The following PTPRO variants were observed in gnomAD, a reference collection of about 807,000 sequenced individuals.
The protein encoded by PTPRO is protein tyrosine phosphatase receptor type O.
Under a neutral mutation model 145.2 loss-of-function variants are expected in PTPRO, and 62 were observed. The ratio of observed to expected loss-of-function variants is 0.43; its 90% CI spans 0.35 to 0.53. The LOEUF is 0.53. Among genes scored for constraint, PTPRO ranks in the 20% least tolerant of loss-of-function variants. The pLI is 0.01. For synonymous variants in PTPRO, 565 were observed against 514.7 expected (o/e 1.10, Z -1.32); for missense variants, 1,345 against 1,482.7 (o/e 0.91, Z 1.53).
chr12:15,557,889 C>T (rs759091108), intron 16 of PTPRO, among the ~76,000 whole-genome samples: 1 of 152,014 alleles, frequency 6.6e-6, no homozygotes, highest in Non-Finnish European at 1.5e-5. Flanking sequence ...TGCGACAGAT[C>T]GGCTTCTCCA....
At chr12:15,342,389 T>C (rs1163578931) in intron 1 of PTPRO, among the ~76,000 whole-genome samples, 2 of 150,450 alleles carry the variant, frequency 1.3e-5, no homozygotes, top group Non-Finnish European at 3.0e-5. Context: ...TCACCAATCA[T>C]CTTTCATATG....
chr12:15,390,823 A>G (rs1763994603), intron 1 of PTPRO, among the ~76,000 whole-genome samples: 1 of 152,196 alleles, frequency 6.6e-6, no homozygotes, highest in African/African-American at 2.4e-5. Context: ...TCAGGCTACT[A>G]TAACAAAATG....
chr12:15,459,509 T>A (rs541870111), intron 1 of PTPRO, among the ~76,000 whole-genome samples: 3 of 152,270 alleles, frequency 2.0e-5, no homozygotes, highest in Non-Finnish European at 4.4e-5. Flanking sequence ...GGGATTATGG[T>A]TAGAGGATGT....
At chr12:15,430,520 A>G (rs757420185) in intron 1 of PTPRO, among the ~76,000 whole-genome samples, 9 of 152,120 alleles carry the variant, frequency 5.9e-5, no homozygotes, top group Admixed American at 1.3e-4. Flanking sequence ...TCTCTTAAAG[A>G]TGGTGGTAGT....
chr12:15,557,469 G>C lies in PTPRO; in HGVS notation c.2573G>C (p.Gly858Ala). ...CTTTAAAACAGGGAGTGTGGAGCTG[G>C]TACATTTGTCAATTTTGCATCCTTA... ...HLQMARECGA[G>A]TFVNFASLER... Residue 858 changes from glycine to alanine, a missense_variant, in exon 16 of 27, where the codon GGT (glycine) becomes GCT (alanine). Physicochemically the swap from Gly to Ala is moderately conservative, Grantham distance 60. Around this residue, in one of 3 missense-constraint regions of PTPRO, gnomAD observed 1,130 missense variants for 1,214.7 expected, o/e 0.93. Transcript: ENST00000281171. The C allele has an allele frequency of 6.2e-7, 1 of 1,613,850 alleles. No individual in the cohort carries two copies.
chr12:15,388,969 ACTG>A (rs1312795785), intron 1 of PTPRO, among the ~76,000 whole-genome samples: 4 of 151,746 alleles, frequency 2.6e-5, no homozygotes, highest in Non-Finnish European at 5.9e-5. Flanking sequence ...ACTCTCACTG[ACTG>A]ATCAAGGAAA....
rs892292543 is a variant in PTPRO at position 15,338,282 on chromosome 12, G to GT, written c.75+15487dup. ...GGTTTTTCAAAGCTTGCTTTGTTTTGTTTTTTGTATGTGTGTGTGGCACTC... is the reference window on the plus strand; with the variant it reads ...GGTTTTTCAAAGCTTGCTTTGTTTTGTTTTTTTGTATGTGTGTGTGGCACTC... On this transcript the variant is annotated intron_variant, in intron 1 of 26. Transcript: ENST00000281171. Among the ~76,000 whole-genome samples, 20 of 152,084 alleles carry GT rather than the reference G, an allele frequency of 1.3e-4. 1 individual carries two copies. Among genetic ancestry groups the GT allele is most frequent in the Non-Finnish European group, 8.8e-5 (6 of 67,978 alleles).
At chr12:15,503,804 G>A (rs1314770812) in intron 5 of PTPRO, 104 bp from the exon 6 acceptor site, 7 of 844,480 alleles carry the variant, frequency 8.3e-6, no homozygotes, top group African/African-American at 1.7e-5. Flanking sequence ...CAAAAGGAGG[G>A]AACATTTAAA....
intron 15 of PTPRO, 102 bp from the exon 16 acceptor site, chr12:15,557,353 A>G (rs1943660364): frequency 9.2e-7 from 1 of 1,086,930 alleles, no homozygotes; most frequent in Admixed American, 1.8e-5. Flanking sequence ...TTTTTAATTT[A>G]ATGCTGTGAT....
At chr12:15,327,606 A>G (rs1338009591) in intron 1 of PTPRO, among the ~76,000 whole-genome samples, 1 of 152,214 alleles carries the variant, frequency 6.6e-6, no homozygotes, top group Non-Finnish European at 1.5e-5. Flanking sequence ...AATTTCTTAC[A>G]GAACTCTTCT....
chr12:15,406,269 A>G (rs1939644965), intron 1 of PTPRO, among the ~76,000 whole-genome samples: 1 of 152,196 alleles, frequency 6.6e-6, no homozygotes, highest in Admixed American at 6.5e-5. Context: ...GCACAGGGAT[A>G]TTGTTAAAAT....
chr12:15,467,363 C>G (rs1468152177), intron 1 of PTPRO, among the ~76,000 whole-genome samples: 1 of 151,976 alleles, frequency 6.6e-6, no homozygotes, highest in Non-Finnish European at 1.5e-5. Context: ...CCTTCCTTCC[C>G]TGCTAGTATG....
chr12:15,365,165 T>G (rs1309151197), intron 1 of PTPRO, among the ~76,000 whole-genome samples: 1 of 152,174 alleles, frequency 6.6e-6, no homozygotes, highest in African/African-American at 2.4e-5. Context: ...ACATATCCCC[T>G]GACCATTCAG....
At chr12:15,368,304 T>C (rs1375054494) in intron 1 of PTPRO, among the ~76,000 whole-genome samples, 2 of 152,200 alleles carry the variant, frequency 1.3e-5, no homozygotes, top group East Asian at 1.9e-4. Context: ...TATATGGCAA[T>C]TGACGCAAAT....
chr12:15,551,919 A>G (rs914909829), intron 15 of PTPRO, among the ~76,000 whole-genome samples: 3 of 152,094 alleles, frequency 2.0e-5, no homozygotes, highest in African/African-American at 4.8e-5. Context: ...CAATCTTGGC[A>G]TTTGAAGTAG....
chr12:15,379,196 C>T (rs1163258668), intron 1 of PTPRO, among the ~76,000 whole-genome samples: 1 of 151,816 alleles, frequency 6.6e-6, no homozygotes, highest in African/African-American at 2.4e-5. Flanking sequence ...GCATATTTTT[C>T]AAAATGGTCA....
At chr12:15,367,076 T>C (rs1418379268) in intron 1 of PTPRO, among the ~76,000 whole-genome samples, 9 of 152,316 alleles carry the variant, frequency 5.9e-5, no homozygotes, top group African/African-American at 2.2e-4. Context: ...TAAAGTATAG[T>C]ACAATGTCAT....
chr12:15,437,772 C>G (rs1940639242), intron 1 of PTPRO, among the ~76,000 whole-genome samples: 1 of 152,182 alleles, frequency 6.6e-6, no homozygotes. Context: ...TTTCCTGACT[C>G]CACATTTAGA....
At chr12:15,561,158 C>T (rs1221027112) in intron 17 of PTPRO, among the ~76,000 whole-genome samples, 1 of 151,870 alleles carries the variant, frequency 6.6e-6, no homozygotes, top group African/African-American at 2.4e-5. Flanking sequence ...TGTTTAGGTA[C>T]TAAATTATGT....
Sources: allele counts gnomAD v4.1 joint callset (sites outside exome capture counted in the v4.1 genomes callset), GRCh38; gene constraint gnomAD v4.1.1; regional missense constraint gnomAD v4.1.1; transcripts MANE v1.5; gene names NCBI Gene and HGNC (gene_info 2026-07-23, HGNC 2026-07-21).